Variants in KLF13 observed in about 807,000 individuals in gnomAD.
The protein encoded by KLF13 is Krueppel-like factor 13.
Under a neutral mutation model 16.7 loss-of-function variants are expected in KLF13, and 8 were observed. The ratio of observed to expected loss-of-function variants is 0.48; its 90% CI spans 0.28 to 0.87. The LOEUF is 0.87. KLF13 is among the 40% of genes least tolerant of loss of function. The pLI is 0.10. For synonymous variants in KLF13, 245 were observed against 208.4 expected (o/e 1.18, Z -1.51); for missense variants, 447 against 452.2 (o/e 0.99, Z 0.10).
At chr15:31,340,048 C>G in intron 1 of KLF13, 4 of 702,344 alleles carry the variant, frequency 5.7e-6, no homozygotes, top group East Asian at 2.7e-5. Context: ...CCCAGGTTGC[C>G]CTGGTGGGTG....
chr15:31,420,802 C>T (rs113813546), intron 1 of KLF13: 2,842 of 172,314 alleles, frequency 0.016, 64 homozygotes, highest in African/African-American at 0.054. Flanking sequence ...AAACGATTCT[C>T]GTGCCTCAGC....
At chr15:31,392,001 C>T (rs1176216900), upstream of KLF13, among the ~76,000 whole-genome samples, 1 of 151,936 alleles carries the variant, frequency 6.6e-6, no homozygotes, top group Non-Finnish European at 1.5e-5. Context: ...GCTGGGCGGG[C>T]GCCGAGCCCG....
At chr15:31,434,633 G>A (rs1285839201) in intron 1 of KLF13, among the ~76,000 whole-genome samples, 3 of 152,198 alleles carry the variant, frequency 2.0e-5, no homozygotes, top group Non-Finnish European at 1.5e-5. Flanking sequence ...GGCTGGACCT[G>A]CTAGGGCCTG....
At chr15:31,383,447 G>A (rs1036130752) in intron 1 of KLF13, among the ~76,000 whole-genome samples, 3 of 152,246 alleles carry the variant, frequency 2.0e-5, no homozygotes, top group Non-Finnish European at 2.9e-5. Context: ...TGCCTCTGCA[G>A]TGAGGGTCAC....
rs562297610 is a variant in KLF13 at position 31,412,599 on chromosome 15, T to A, written n.117+18908T>A. The stretch of plus-strand genomic sequence containing the variant: ...ACAACTGCAATTAAAAATTTTAAAA[T>A]CACCACTTTAAAAAGCAAAGAGGAG... On this transcript the variant is annotated intron_variant and non_coding_transcript_variant, in intron 1 of 1. Coordinates refer to the KLF13 transcript ENST00000558225. Among the ~76,000 whole-genome samples, 9 of 152,316 alleles carry A rather than the reference T, an allele frequency of 5.9e-5. No homozygotes were observed. The South Asian group carries it at 1.9e-3, about 32-fold the overall frequency.
At chr15:31,435,500 A>G (rs2040520181) in exon 2 of KLF13, 1 of 152,128 alleles carries the variant, frequency 6.6e-6, no homozygotes, top group Non-Finnish European at 1.5e-5. Flanking sequence ...CAATGTCGAC[A>G]CGCCCTCCAG....
At chr15:31,328,436 C>T (rs1266694344) in intron 1 of KLF13, among the ~76,000 whole-genome samples, 1 of 151,980 alleles carries the variant, frequency 6.6e-6, no homozygotes, top group Non-Finnish European at 1.5e-5. Flanking sequence ...TCCCGCTCCC[C>T]GCCTGCGGCT....
chr15:31,328,497 A>G (rs537494688), intron 1 of KLF13, among the ~76,000 whole-genome samples: 4 of 151,662 alleles, frequency 2.6e-5, no homozygotes, highest in African/African-American at 7.3e-5. Context: ...GCCCGGCCCT[A>G]GGCTCCTCGG....
At chr15:31,406,064 C>A (rs1036934504), downstream of KLF13, among the ~76,000 whole-genome samples, 10 of 152,136 alleles carry the variant, frequency 6.6e-5, no homozygotes, top group African/African-American at 2.4e-4. Context: ...AAATTAAAAA[C>A]AAATCAGGAG....
chr15:31,365,257 C>T (rs1051250241), intron 1 of KLF13, among the ~76,000 whole-genome samples: 9 of 152,332 alleles, frequency 5.9e-5, no homozygotes, highest in South Asian at 2.1e-4. Flanking sequence ...ACCAGCGCTG[C>T]CCCTGCCATT....
chr15:31,337,113 C>T (rs1004736784), intron 1 of KLF13, among the ~76,000 whole-genome samples: 3 of 152,310 alleles, frequency 2.0e-5, no homozygotes, highest in African/African-American at 2.4e-5. Flanking sequence ...TTTGTTTACT[C>T]GTCATTGAAG....
intron 1 of KLF13, among the ~76,000 whole-genome samples, chr15:31,331,092 G>C (rs1005408605): frequency 6.6e-6 from 1 of 152,254 alleles, no homozygotes; most frequent in African/African-American, 2.4e-5. Context: ...TTGGCAGAGA[G>C]ACCCTGAATA....
At chr15:31,430,334 C>T (rs2040457492) in intron 1 of KLF13, among the ~76,000 whole-genome samples, 1 of 152,084 alleles carries the variant, frequency 6.6e-6, no homozygotes, top group African/African-American at 2.4e-5. Flanking sequence ...AAATGGGTGT[C>T]TTAGTCTGTG....
At chr15:31,364,246 C>G (rs1234471472) in intron 1 of KLF13, among the ~76,000 whole-genome samples, 1 of 152,188 alleles carries the variant, frequency 6.6e-6, no homozygotes, top group Non-Finnish European at 1.5e-5. Context: ...AGAAAAATGC[C>G]TACTTTAAAA....
At chr15:31,389,814 T>C (rs2039837172), upstream of KLF13, among the ~76,000 whole-genome samples, 1 of 152,190 alleles carries the variant, frequency 6.6e-6, no homozygotes, top group African/African-American at 2.4e-5. Context: ...TGTTACTCAC[T>C]GCACAGCTAA....
chr15:31,327,826 C>A, intron 1 of KLF13, 37 bp downstream of exon 1: 3 of 1,389,698 alleles, frequency 2.2e-6, no homozygotes, highest in Middle Eastern at 2.2e-4. Context: ...ATCGCGCGGA[C>A]GGGGTCGGCG....
chr15:31,416,120 A>T (rs185139378), intron 1 of KLF13, among the ~76,000 whole-genome samples: 21 of 152,284 alleles, frequency 1.4e-4, no homozygotes, highest in Admixed American at 3.9e-4. Flanking sequence ...ACCAAAACTG[A>T]TTACACAAGA....
intron 1 of KLF13, among the ~76,000 whole-genome samples, chr15:31,341,106 C>A (rs1387903147): frequency 6.6e-6 from 1 of 152,100 alleles, no homozygotes; most frequent in East Asian, 1.9e-4. Flanking sequence ...CATGACCTTC[C>A]TTGGGAGGCT....
downstream of KLF13, among the ~76,000 whole-genome samples, chr15:31,378,819 G>A (rs916241256): frequency 6.6e-6 from 1 of 152,122 alleles, no homozygotes; most frequent in Non-Finnish European, 1.5e-5. Flanking sequence ...TCTCAGGTTC[G>A]AACGATTCTT....
Sources: allele counts gnomAD v4.1 joint callset (sites outside exome capture counted in the v4.1 genomes callset), GRCh38; gene constraint gnomAD v4.1.1; transcripts MANE v1.5; gene names NCBI Gene and HGNC (gene_info 2026-07-23, HGNC 2026-07-21).